The following COL5A2 variants were observed in gnomAD, a reference collection of about 807,000 sequenced individuals.
COL5A2 encodes collagen alpha-2(V) chain.
In COL5A2, 23 loss-of-function variants were observed where a neutral mutation model predicts 208.2. That is an observed-to-expected ratio of 0.11 (90% CI 0.08 to 0.16). The LOEUF (loss-of-function observed/expected upper bound fraction) is 0.16, where lower values mean the gene tolerates loss of function less well. COL5A2 is among the 10% of genes least tolerant of loss of function. COL5A2 has a pLI of 1.00. For missense variants in COL5A2, 1,590 were observed against 1,956.4 expected (o/e 0.81, Z 3.53); for synonymous variants, 625 against 628.5 (o/e 0.99, Z 0.08).
chr2:189,341,663 G>A, the COL5A2 span, among the ~76,000 whole-genome samples: 1 of 152,116 alleles, frequency 6.6e-6, no homozygotes, highest in African/African-American at 2.4e-5. Flanking sequence ...GTGATTAGGT[G>A]ACATTCACCA....
chr2:189,196,217 C>A (rs1688999325), intron 1 of COL5A2, among the ~76,000 whole-genome samples: 1 of 151,956 alleles, frequency 6.6e-6, no homozygotes, highest in Non-Finnish European at 1.5e-5. Context: ...TTCAGTACTT[C>A]AAAGGTGGTG....
intron 1 of COL5A2, among the ~76,000 whole-genome samples, chr2:189,169,263 C>T (rs2105815153): frequency 6.6e-6 from 1 of 152,230 alleles, no homozygotes; most frequent in South Asian, 2.1e-4. Flanking sequence ...CATGAGGTGG[C>T]ACTGGGGCAT....
the COL5A2 span, among the ~76,000 whole-genome samples, chr2:189,388,345 A>T: frequency 6.6e-6 from 1 of 152,116 alleles, no homozygotes; most frequent in South Asian, 2.1e-4. Flanking sequence ...TGGAAAGGAG[A>T]CAGGAAGGTA....
chr2:189,251,055 C>G, the COL5A2 span, among the ~76,000 whole-genome samples: 1 of 152,094 alleles, frequency 6.6e-6, no homozygotes, highest in Admixed American at 6.6e-5. Context: ...AATAATGACA[C>G]TATTTCACTG....
the COL5A2 span, among the ~76,000 whole-genome samples, chr2:189,322,252 A>G: frequency 7.5e-4 from 114 of 152,328 alleles, no homozygotes; most frequent in African/African-American, 2.6e-3. Context: ...ACACCCTAAC[A>G]TCACAATTAA....
the COL5A2 span, among the ~76,000 whole-genome samples, chr2:189,310,677 C>T: frequency 6.6e-5 from 10 of 151,790 alleles, no homozygotes. Flanking sequence ...ACCTAAGTGA[C>T]TATCAATAGA....
chr2:189,166,344 A>T (rs1052491374), intron 1 of COL5A2, among the ~76,000 whole-genome samples: 15 of 150,926 alleles, frequency 9.9e-5, no homozygotes, highest in African/African-American at 2.7e-4. Flanking sequence ...TTTTTTTTTT[A>T]AATCACCTAA....
At chr2:189,321,026 A>G in the COL5A2 span, among the ~76,000 whole-genome samples, 1 of 152,328 alleles carries the variant, frequency 6.6e-6, no homozygotes, top group Non-Finnish European at 1.5e-5. Flanking sequence ...ATTCTTAAAG[A>G]AAAGAATTTT....
chr2:189,061,024 A>G (rs1686019578), intron 30 of COL5A2, among the ~76,000 whole-genome samples: 1 of 152,160 alleles, frequency 6.6e-6, no homozygotes, highest in African/African-American at 2.4e-5. Flanking sequence ...ACTTAGCAAA[A>G]AAAGAGATAA....
At chr2:189,280,420 T>A in the COL5A2 span, among the ~76,000 whole-genome samples, 2 of 152,306 alleles carry the variant, frequency 1.3e-5, no homozygotes, top group South Asian at 4.1e-4. Context: ...TTCTACTTCC[T>A]ACTATGCTTG....
At chr2:189,388,271 A>T in the COL5A2 span, among the ~76,000 whole-genome samples, 12 of 152,158 alleles carry the variant, frequency 7.9e-5, no homozygotes, top group African/African-American at 2.9e-4. Context: ...AGCATTGTCA[A>T]CTAGGAGGGG....
the COL5A2 span, among the ~76,000 whole-genome samples, chr2:189,260,677 G>C: frequency 3.9e-5 from 6 of 152,156 alleles, no homozygotes; most frequent in East Asian, 9.6e-4. Flanking sequence ...CAGAGAAGAG[G>C]GTTCTGCTAA....
chr2:189,398,618 C>A, the COL5A2 span, among the ~76,000 whole-genome samples: 1 of 152,026 alleles, frequency 6.6e-6, no homozygotes, highest in Non-Finnish European at 1.5e-5. Context: ...CATGACATAT[C>A]TTCTTCAATC....
At chr2:189,245,395 T>C in the COL5A2 span, among the ~76,000 whole-genome samples, 2 of 152,152 alleles carry the variant, frequency 1.3e-5, no homozygotes, top group Admixed American at 1.3e-4. Context: ...CAAAACTTAG[T>C]GATAGTTAAT....
the COL5A2 span, among the ~76,000 whole-genome samples, chr2:189,339,257 A>G: frequency 6.6e-6 from 1 of 151,904 alleles, no homozygotes; most frequent in South Asian, 2.1e-4. Context: ...AGGCTGAGGC[A>G]TGACAATTGC....
chr2:189,248,201 T>C, the COL5A2 span, among the ~76,000 whole-genome samples: 2 of 152,218 alleles, frequency 1.3e-5, no homozygotes, highest in African/African-American at 2.4e-5. Flanking sequence ...CACAAATTAG[T>C]AGTTTTCATT....
chr2:189,223,700 T>C (rs1002213715), intron 1 of COL5A2, among the ~76,000 whole-genome samples: 1 of 152,194 alleles, frequency 6.6e-6, no homozygotes, highest in African/African-American at 2.4e-5. Context: ...AGGAGCTACA[T>C]TGTTATTCCA....
intron 8 of COL5A2, among the ~76,000 whole-genome samples, chr2:189,088,416 TTA>T (rs1192186361): frequency 6.6e-6 from 1 of 152,240 alleles, no homozygotes; most frequent in Non-Finnish European, 1.5e-5. Context: ...GTGGCTGTGG[TTA>T]TATGTCTTAA....
At chr2:189,403,214 C>G in the COL5A2 span, among the ~76,000 whole-genome samples, 11 of 152,122 alleles carry the variant, frequency 7.2e-5, no homozygotes, top group Non-Finnish European at 1.6e-4. Context: ...CTTGGCTTGC[C>G]TGTTATTGGT....
Sources: gnomAD v4.1 joint callset for allele counts (sites outside exome capture counted in the v4.1 genomes callset) on GRCh38, gnomAD v4.1.1 for gene constraint, MANE v1.5 for transcripts, NCBI Gene and HGNC (gene_info 2026-07-23, HGNC 2026-07-21) for gene names.